The following FBXW7 variants were observed in gnomAD, a reference collection of about 807,000 sequenced individuals.
FBXW7 encodes the protein F-box and WD repeat domain containing 7.
FBXW7 carries 11 observed loss-of-function variants against 86.3 expected under a neutral mutation model. The ratio of observed to expected loss-of-function variants is 0.13; its 90% CI spans 0.08 to 0.21. FBXW7 has a LOEUF of 0.21. Among genes scored for constraint, FBXW7 ranks in the 10% least tolerant of loss-of-function variants. The pLI, the probability that FBXW7 is intolerant of heterozygous loss-of-function variation, is 1.00. For missense variants in FBXW7, 488 were observed against 847.4 expected (o/e 0.58, Z 5.27); for synonymous variants, 313 against 297.9 (o/e 1.05, Z -0.52).
intron 2 of FBXW7, among the ~76,000 whole-genome samples, chr4:152,493,457 G>A (rs915630646): frequency 2.0e-5 from 3 of 152,102 alleles, no homozygotes; most frequent in Non-Finnish European, 4.4e-5. Context: ...AAGCCAATGC[G>A]TCCAGCCAAG....
At chr4:152,506,219 C>T (rs1747412363) in intron 2 of FBXW7, among the ~76,000 whole-genome samples, 1 of 152,128 alleles carries the variant, frequency 6.6e-6, no homozygotes, top group Non-Finnish European at 1.5e-5. Context: ...GCAAGCTCTG[C>T]CTCCCAGGTT....
At chr4:152,471,989 A>G (rs1032371437) in intron 2 of FBXW7, among the ~76,000 whole-genome samples, 1 of 152,170 alleles carries the variant, frequency 6.6e-6, no homozygotes, top group Non-Finnish European at 1.5e-5. Context: ...ATGTTCCACT[A>G]AAGACTCATA....
At chr4:152,394,991 G>T (rs1030747625) in intron 4 of FBXW7, among the ~76,000 whole-genome samples, 1 of 152,048 alleles carries the variant, frequency 6.6e-6, no homozygotes, top group Non-Finnish European at 1.5e-5. Context: ...AGTCACTCAG[G>T]AAGTCCTATG....
intron 4 of FBXW7, among the ~76,000 whole-genome samples, chr4:152,367,325 C>A (rs1441831362): frequency 6.6e-6 from 1 of 152,044 alleles, no homozygotes; most frequent in Non-Finnish European, 1.5e-5. Context: ...TATATATTCA[C>A]ATATTTTAAT....
intron 2 of FBXW7, among the ~76,000 whole-genome samples, chr4:152,463,395 A>C: frequency 6.6e-6 from 1 of 152,134 alleles, no homozygotes. Context: ...AGGAAATCAC[A>C]ATCTCTGTGA....
intron 4 of FBXW7, among the ~76,000 whole-genome samples, chr4:152,383,123 C>T (rs1735237757): frequency 6.6e-6 from 1 of 152,098 alleles, no homozygotes; most frequent in Non-Finnish European, 1.5e-5. Flanking sequence ...ATTGATTATA[C>T]TTGAAAGCAT....
intron 4 of FBXW7, among the ~76,000 whole-genome samples, chr4:152,372,807 T>C (rs1734116041): frequency 6.6e-6 from 1 of 151,996 alleles, no homozygotes; most frequent in African/African-American, 2.4e-5. Context: ...AATTAAAAAT[T>C]TGTTACATAA....
At chr4:152,421,599 G>A (rs1738943567) in intron 2 of FBXW7, among the ~76,000 whole-genome samples, 1 of 152,198 alleles carries the variant, frequency 6.6e-6, no homozygotes, top group Non-Finnish European at 1.5e-5. Context: ...CAACTTGGAT[G>A]TTTGGCACAA....
At chr4:152,508,592 G>C (rs1007553200) in intron 2 of FBXW7, among the ~76,000 whole-genome samples, 2 of 151,336 alleles carry the variant, frequency 1.3e-5, no homozygotes, top group African/African-American at 4.9e-5. Context: ...AACAGGCTGA[G>C]GTAGGAGGAT....
At chr4:152,409,480 C>A (rs77443244) in intron 4 of FBXW7, among the ~76,000 whole-genome samples, 2,076 of 152,186 alleles carry the variant, frequency 0.014, 25 homozygotes, top group Middle Eastern at 0.037. Flanking sequence ...AAGCAGTACT[C>A]AGTGACTTTT....
Position 152,518,891 on chromosome 4 carries a change from CTA to C in FBXW7, c.-120+16048_-120+16049del, listed in dbSNP as rs558988762. ...ACAGTATTAATTAAATATGAAATAT[CTA>C]TAAATAAACTCACTGGGTAGGGAAT... On this transcript the variant is annotated intron_variant, in intron 2 of 13. Coordinates refer to ENST00000281708, the MANE Select transcript of FBXW7 (RefSeq NM_001349798.2). Among the ~76,000 whole-genome samples, 112 of 152,168 alleles carry C rather than the reference CTA, an allele frequency of 7.4e-4. No individual in the cohort carries two copies. In the South Asian group the frequency reaches 0.022, roughly 30 times the overall value.
chr4:152,335,736 T>C (rs756009163), intron 7 of FBXW7, among the ~76,000 whole-genome samples: 1 of 152,214 alleles, frequency 6.6e-6, no homozygotes, highest in Admixed American at 6.5e-5. Context: ...GCCAATATTT[T>C]CCCAGACTTG....
At chr4:152,350,229 C>T (rs1332921465) in intron 4 of FBXW7, 105 bp from the exon 5 acceptor site, 1 of 521,768 alleles carries the variant, frequency 1.9e-6, no homozygotes, top group East Asian at 3.2e-5. Flanking sequence ...CATATGCCTA[C>T]AATGTTAATT....
chr4:152,377,549 C>T (rs1391573653), intron 4 of FBXW7, among the ~76,000 whole-genome samples: 1 of 149,748 alleles, frequency 6.7e-6, no homozygotes, highest in African/African-American at 2.5e-5. Context: ...GTCAGGAGTT[C>T]GAGACCAGCC....
At chr4:152,420,980 C>T (rs1176764971) in intron 2 of FBXW7, among the ~76,000 whole-genome samples, 1 of 152,158 alleles carries the variant, frequency 6.6e-6, no homozygotes, top group Non-Finnish European at 1.5e-5. Context: ...CTTCCCCTAT[C>T]CAGCTAGAAA....
chr4:152,503,515 A>G (rs1405356854), intron 2 of FBXW7, among the ~76,000 whole-genome samples: 2 of 152,250 alleles, frequency 1.3e-5, no homozygotes, highest in Admixed American at 1.3e-4. Flanking sequence ...CAAGAGATCC[A>G]CTTGCCTTGG....
intron 4 of FBXW7, among the ~76,000 whole-genome samples, chr4:152,384,457 A>C (rs1735359164): frequency 6.6e-6 from 1 of 152,118 alleles, no homozygotes; most frequent in African/African-American, 2.4e-5. Context: ...CACTTATATA[A>C]GGTACTTGGA....
At chr4:152,417,201 G>A (rs1158880514) in intron 2 of FBXW7, among the ~76,000 whole-genome samples, 1 of 152,064 alleles carries the variant, frequency 6.6e-6, no homozygotes, top group African/African-American at 2.4e-5. Context: ...TCAAGAAGGT[G>A]TCCCAAAGTC....
At chr4:152,518,542 T>C (rs535866173) in intron 2 of FBXW7, among the ~76,000 whole-genome samples, 1 of 152,190 alleles carries the variant, frequency 6.6e-6, no homozygotes, top group East Asian at 1.9e-4. Context: ...AGCAATCCTT[T>C]TGCCTCAGCC....
Sources: allele counts gnomAD v4.1 joint callset (sites outside exome capture counted in the v4.1 genomes callset), GRCh38; gene constraint gnomAD v4.1.1; transcripts MANE v1.5; gene names NCBI Gene and HGNC (gene_info 2026-07-23, HGNC 2026-07-21).